The following PRKRIP1 variants were observed in gnomAD, a reference collection of about 807,000 sequenced individuals.
PRKRIP1 encodes the protein PRKR-interacting protein 1.
In PRKRIP1, 29 loss-of-function variants were observed where a neutral mutation model predicts 29.3. The observed-to-expected ratio is 0.99, with a 90% CI of 0.74 to 1.35. The LOEUF (loss-of-function observed/expected upper bound fraction) is 1.35, where lower values mean the gene tolerates loss of function less well. PRKRIP1 is among the 40% of genes most tolerant of loss of function. PRKRIP1 has a pLI of 0.00. For missense variants in PRKRIP1, 247 were observed against 236.8 expected (o/e 1.04, Z -0.28); for synonymous variants, 90 against 85.1 (o/e 1.06, Z -0.32).
chr7:102,416,378 C>T (rs1586691231), intron 5 of PRKRIP1, among the ~76,000 whole-genome samples: 1 of 152,186 alleles, frequency 6.6e-6, no homozygotes, highest in East Asian at 1.9e-4. Flanking sequence ...AGCTGAAGTC[C>T]ATACATTATT....
chr7:102,400,015 A>G (rs10250686), intron 3 of PRKRIP1, among the ~76,000 whole-genome samples: 3,131 of 151,362 alleles, frequency 0.021, 93 homozygotes, highest in African/African-American at 0.071. Context: ...AAAAAAAAAA[A>G]AGAGAGAAAA....
rs1796828172 is a variant in PRKRIP1, at chr7:102,426,232, C to T, written c.*1121C>T. The T allele has an allele frequency of 6.6e-6, 1 of 152,438 alleles. No individual in the cohort carries two copies. The highest frequency in any genetic ancestry group is 6.5e-5 in the Admixed American group (1 of 15,286). 9.4% of individuals were successfully genotyped at this position (152,438 alleles called of 1,614,324 possible). A position where few individuals can be genotyped will look rare whatever the true frequency, so the allele number is the denominator to read the frequency against. On this transcript the variant is annotated 3_prime_UTR_variant, in exon 6 of 6. Coordinates refer to ENST00000397912, the MANE Select transcript of PRKRIP1 (RefSeq NM_024653.4). Reference sequence around the variant, plus strand: ...CCAACCTGGGCAATAGAGCGAGACCCTGTCTCTTAAAAAACGATGATGATG... The same window carrying T: ...CCAACCTGGGCAATAGAGCGAGACCTTGTCTCTTAAAAAACGATGATGATG...
rs113397450 is a variant in PRKRIP1 at position 102,421,608 on chromosome 7, C to CT, written c.458-3405dup. Among the ~76,000 whole-genome samples, 346 of 152,266 alleles carry CT rather than the reference C, an allele frequency of 2.3e-3. 2 individuals are homozygous for CT. Among genetic ancestry groups the CT allele is most frequent in the African/African-American group, 7.8e-3 (324 of 41,548 alleles). ...GGTCAGGAGATCAAGACCATCCTAG[C>CT]TAACACGGTGAAACCCCGTCTCTAC... is the stretch of plus-strand genomic sequence containing the variant. On this transcript the variant is annotated intron_variant, in intron 5 of 5. Coordinates refer to ENST00000397912, the MANE Select transcript of PRKRIP1 (RefSeq NM_024653.4).
In PRKRIP1 at chr7:102,396,376, G is replaced by T. The variant is rs782060880; in HGVS notation, c.-36G>T. On this transcript the variant is annotated 5_prime_UTR_variant, in exon 1 of 6. Coordinates refer to ENST00000397912, the MANE Select transcript of PRKRIP1 (RefSeq NM_024653.4). ...GGCTGTGTCGTCATACTTGCGCGCCGACGCCGCCGCTCGCTTGTGAAACTG... is the reference window on the plus strand; with the variant it reads ...GGCTGTGTCGTCATACTTGCGCGCCTACGCCGCCGCTCGCTTGTGAAACTG... The T allele has an allele frequency of 5.4e-6, 8 of 1,494,702 alleles. No individual in the cohort carries two copies. In the South Asian group the frequency reaches 8.7e-5, roughly 16 times the overall value. The allele number at this position is 1,494,702 out of a possible 1,614,324, so 92.6% of individuals were successfully genotyped here. A position where few individuals can be genotyped will look rare whatever the true frequency, so the allele number is the denominator to read the frequency against.
chr7:102,413,670 A>G (rs930997716), intron 5 of PRKRIP1, among the ~76,000 whole-genome samples: 4 of 152,070 alleles, frequency 2.6e-5, no homozygotes, highest in East Asian at 1.9e-4. Flanking sequence ...AATTTCTTTG[A>G]TTTCAGTTTT....
intron 5 of PRKRIP1, among the ~76,000 whole-genome samples, chr7:102,419,864 TG>T (rs1554573553): frequency 5.3e-5 from 5 of 94,322 alleles, no homozygotes; most frequent in Non-Finnish European, 8.6e-5. Flanking sequence ...TGTGTGTGTG[TG>T]TGTGTGTGTG....
At chr7:102,416,422 C>T (rs1272800293) in intron 5 of PRKRIP1, among the ~76,000 whole-genome samples, 1 of 152,198 alleles carries the variant, frequency 6.6e-6, no homozygotes, top group African/African-American at 2.4e-5. Context: ...CTGCCCTTTT[C>T]TTGCTCCAGA....
At chr7:102,412,004 G>C (rs112465545) in intron 5 of PRKRIP1, among the ~76,000 whole-genome samples, 2 of 151,744 alleles carry the variant, frequency 1.3e-5, no homozygotes, top group African/African-American at 4.8e-5. Flanking sequence ...GTGCAGTGGC[G>C]TGATCTCAGC....
chr7:102,408,731 G>T (rs1796296822), intron 5 of PRKRIP1, among the ~76,000 whole-genome samples: 1 of 152,176 alleles, frequency 6.6e-6, no homozygotes, highest in Non-Finnish European at 1.5e-5. Flanking sequence ...ATAGAATTGG[G>T]CTGGGCATGG....
chr7:102,408,615 A>G (rs1342167607), intron 5 of PRKRIP1, among the ~76,000 whole-genome samples: 4 of 152,208 alleles, frequency 2.6e-5, no homozygotes, highest in African/African-American at 9.7e-5. Context: ...TGTCCCCCAC[A>G]TGACTGCATC....
chr7:102,422,538 C>T (rs1796723001), intron 5 of PRKRIP1, among the ~76,000 whole-genome samples: 1 of 152,084 alleles, frequency 6.6e-6, no homozygotes, highest in South Asian at 2.1e-4. Flanking sequence ...GACGGGGTTT[C>T]GCCATGTTGG....
At position 102,396,470 on chromosome 7, in the gene PRKRIP1, C is replaced by A. The variant is rs1795900141; in HGVS notation, c.59C>A (p.Thr20Lys). ...RPPRPKKEPQ[T>K]LVIPKNAAEE... ...CCGAGGCCCAAGAAAGAGCCGCAGA[C>A]GCTCGTCATCCCCAAGAATGCGGCG... is the stretch of plus-strand genomic sequence containing the variant. The change falls in exon 1 of 6, where the codon ACG becomes AAG. Residue 20 changes from threonine to lysine, a missense_variant. This residue lies in a region of PRKRIP1 where 105 missense variants were observed against 80.2 expected (regional missense o/e 1.31). Coordinates refer to ENST00000397912, the MANE Select transcript of PRKRIP1 (RefSeq NM_024653.4). The A allele has an allele frequency of 6.2e-7, 1 of 1,609,462 alleles. No individual in the cohort carries two copies. The highest frequency in any genetic ancestry group is 8.5e-7 in the Non-Finnish European group (1 of 1,178,974).
At chr7:102,410,829 C>T (rs1053585121) in intron 5 of PRKRIP1, among the ~76,000 whole-genome samples, 1 of 152,136 alleles carries the variant, frequency 6.6e-6, no homozygotes, top group Non-Finnish European at 1.5e-5. Flanking sequence ...GTTTCCTGTA[C>T]GTCAAATGTT....
chr7:102,422,139 A>C (rs1554573819), intron 5 of PRKRIP1, among the ~76,000 whole-genome samples: 1 of 134,626 alleles, frequency 7.4e-6, no homozygotes, highest in Non-Finnish European at 1.6e-5. Context: ...TGTTTCATAC[A>C]CAAAATTATT....
intron 5 of PRKRIP1, among the ~76,000 whole-genome samples, chr7:102,422,439 G>A (rs542928963): frequency 4.9e-4 from 75 of 151,816 alleles, no homozygotes; most frequent in Middle Eastern, 3.4e-3. Context: ...CCCACCCCCG[G>A]TTCAAGCAAT....
Position 102,425,272 on chromosome 7 carries a change from T to G in PRKRIP1, c.*161T>G, listed in dbSNP as rs1586700357. The G allele has an allele frequency of 6.9e-7, 1 of 1,450,466 alleles. No homozygotes were observed. Among genetic ancestry groups the G allele is most frequent in the Non-Finnish European group, 9.1e-7 (1 of 1,093,414 alleles). The allele number at this position is 1,450,466 out of a possible 1,614,324, so 89.8% of individuals were successfully genotyped here. On this transcript the variant is annotated 3_prime_UTR_variant, in exon 6 of 6. Coordinates refer to ENST00000397912, the MANE Select transcript of PRKRIP1 (RefSeq NM_024653.4). ...CGCTCACAGTCCTGTATTTGGCAGG[T>G]TTGGGAGCCTGAGGGGCCATCTCCC...
intron 4 of PRKRIP1, among the ~76,000 whole-genome samples, 197 bp downstream of exon 4, chr7:102,404,880 G>A (rs1357761396): frequency 1.3e-5 from 2 of 152,018 alleles, no homozygotes; most frequent in African/African-American, 4.8e-5. Flanking sequence ...GAGCTTGCAA[G>A]TCAGGACTTC....
At position 102,396,386 on chromosome 7, in the gene PRKRIP1, C is replaced by G. The variant is rs1554570298; in HGVS notation, c.-26C>G. 7.3e-6 allele frequency: 11 copies of G among 1,516,130 alleles called. No homozygotes were observed. In the South Asian group the frequency reaches 1.1e-4, roughly 15 times the overall value. 93.9% of individuals were successfully genotyped at this position (1,516,130 alleles called of 1,614,324 possible). A position where few individuals can be genotyped will look rare whatever the true frequency, so the allele number is the denominator to read the frequency against. On this transcript the variant is annotated 5_prime_UTR_variant, in exon 1 of 6. Transcript: ENST00000397912. ...TCATACTTGCGCGCCGACGCCGCCG[C>G]TCGCTTGTGAAACTGGAAGGCTGCC...
Position 102,414,119 on chromosome 7 carries a change from C to T in PRKRIP1, c.457+6621C>T, listed in dbSNP as rs528998931. ...GCGTGTACCTGTAATCCCAGCTACT[C>T]GGGAGGCTGAGACAGGAGAATCACT... is the stretch of plus-strand genomic sequence containing the variant. On this transcript the variant is annotated intron_variant, in intron 5 of 5. Coordinates refer to ENST00000397912, the MANE Select transcript of PRKRIP1 (RefSeq NM_024653.4). Among the ~76,000 whole-genome samples, 3 of 152,096 alleles carry T rather than the reference C, an allele frequency of 2.0e-5. No individual in the cohort carries two copies. The South Asian group carries it at 6.2e-4, about 32-fold the overall frequency.
Sources: gnomAD v4.1 joint callset for allele counts (sites outside exome capture counted in the v4.1 genomes callset) on GRCh38, gnomAD v4.1.1 for gene constraint, gnomAD v4.1.1 regional missense constraint, MANE v1.5 for transcripts, NCBI Gene and HGNC (gene_info 2026-07-23, HGNC 2026-07-21) for gene names.